Variants in GTF2F2 observed in about 807,000 individuals in gnomAD.
GTF2F2 encodes ATP-dependent helicase GTF2F2.
Under a neutral mutation model 42.2 loss-of-function variants are expected in GTF2F2, and 23 were observed. The observed-to-expected ratio is 0.55, with a 90% CI of 0.39 to 0.77. The LOEUF is 0.77. Ranked by LOEUF, GTF2F2 falls within the 30% of genes least tolerant of loss-of-function variation. The pLI is 0.00. For missense variants in GTF2F2, 261 were observed against 287.2 expected (o/e 0.91, Z 0.66); for synonymous variants, 105 against 100.8 (o/e 1.04, Z -0.25).
chr13:45,173,187 G>T (rs559759889), intron 4 of GTF2F2, among the ~76,000 whole-genome samples: 2 of 152,016 alleles, frequency 1.3e-5, no homozygotes, highest in African/African-American at 2.4e-5. Context: ...TTATTTTGAG[G>T]TAATTGTAGA....
At chr13:45,233,277 T>C (rs1399158330) in intron 5 of GTF2F2, among the ~76,000 whole-genome samples, 2 of 152,142 alleles carry the variant, frequency 1.3e-5, no homozygotes, top group Non-Finnish European at 2.9e-5. Flanking sequence ...CAATTTAAAA[T>C]AAGAATGAAT....
chr13:45,266,180 T>G (rs921703121), intron 6 of GTF2F2, among the ~76,000 whole-genome samples: 1 of 152,250 alleles, frequency 6.6e-6, no homozygotes, highest in African/African-American at 2.4e-5. Context: ...CACATGGTCC[T>G]GAAGTGTCAT....
intron 5 of GTF2F2, among the ~76,000 whole-genome samples, chr13:45,238,030 C>T (rs1344925778): frequency 4.6e-5 from 7 of 152,198 alleles, no homozygotes; most frequent in Middle Eastern, 6.8e-3. Flanking sequence ...CTCAGCTCAC[C>T]GCAACCTCTG....
intron 5 of GTF2F2, among the ~76,000 whole-genome samples, chr13:45,231,609 C>A (rs552757049): frequency 6.6e-6 from 1 of 152,248 alleles, no homozygotes; most frequent in Admixed American, 6.5e-5. Context: ...TCTTTAATAT[C>A]AGTATCAGCA....
chr13:45,221,257 C>CATCT (rs1452671385), intron 5 of GTF2F2, among the ~76,000 whole-genome samples: 1 of 152,134 alleles, frequency 6.6e-6, no homozygotes, highest in African/African-American at 2.4e-5. Context: ...TGACAAGACA[C>CATCT]ATCTAGTCAA....
At chr13:45,264,196 GAGAA>G (rs57681717) in intron 6 of GTF2F2, among the ~76,000 whole-genome samples, 41,147 of 151,788 alleles carry the variant, frequency 0.27, 6,385 homozygotes, top group African/African-American at 0.41. Context: ...TAATTTTAAA[GAGAA>G]AGCACCAACA....
chr13:45,277,460 A>G (rs182080866), intron 7 of GTF2F2, among the ~76,000 whole-genome samples: 4 of 152,320 alleles, frequency 2.6e-5, no homozygotes, highest in Non-Finnish European at 5.9e-5. Flanking sequence ...GATAGTACCC[A>G]GAGGGATGGT....
chr13:45,194,551 T>C (rs751433308), intron 4 of GTF2F2: 1 of 1,610,624 alleles, frequency 6.2e-7, no homozygotes, highest in African/African-American at 1.3e-5. Flanking sequence ...TTCTCTTCTG[T>C]TTATTTTACG....
intron 5 of GTF2F2, among the ~76,000 whole-genome samples, chr13:45,241,839 G>C (rs761389256): frequency 6.6e-6 from 1 of 151,980 alleles, no homozygotes; most frequent in African/African-American, 2.4e-5. Context: ...TTACATGCCT[G>C]TTCTGGGCCC....
chr13:45,131,578 G>A (rs1225555676), intron 1 of GTF2F2, among the ~76,000 whole-genome samples: 2 of 151,956 alleles, frequency 1.3e-5, no homozygotes, highest in Non-Finnish European at 2.9e-5. Flanking sequence ...TAGACAGCTG[G>A]CATAGAGAAC....
At chr13:45,254,139 G>A (rs1456810076) in intron 6 of GTF2F2, among the ~76,000 whole-genome samples, 1 of 151,582 alleles carries the variant, frequency 6.6e-6, no homozygotes, top group Non-Finnish European at 1.5e-5. Context: ...GAGTGAGAGA[G>A]AGAGAGACCA....
intron 2 of GTF2F2, among the ~76,000 whole-genome samples, chr13:45,144,152 T>C (rs961675452): frequency 9.2e-5 from 14 of 151,856 alleles, no homozygotes; most frequent in Non-Finnish European, 1.9e-4. Flanking sequence ...CTCGGGAGGC[T>C]GAGGCAGGAG....
chr13:45,228,163 C>A (rs148883415), intron 5 of GTF2F2, among the ~76,000 whole-genome samples: 1 of 151,572 alleles, frequency 6.6e-6, no homozygotes, highest in African/African-American at 2.4e-5. Context: ...GCTCACACAC[C>A]GTTCTTCCCT....
chr13:45,154,443 C>T (rs1870654366), intron 4 of GTF2F2, among the ~76,000 whole-genome samples: 1 of 152,090 alleles, frequency 6.6e-6, no homozygotes, highest in Non-Finnish European at 1.5e-5. Context: ...ATTATCTTGG[C>T]AGGGATATGG....
intron 4 of GTF2F2, among the ~76,000 whole-genome samples, chr13:45,189,742 A>G (rs1012152208): frequency 6.6e-6 from 1 of 152,082 alleles, no homozygotes; most frequent in African/African-American, 2.4e-5. Flanking sequence ...TTTATTTACA[A>G]TACCATTCAG....
At chr13:45,235,033 G>A (rs868581375) in intron 5 of GTF2F2, among the ~76,000 whole-genome samples, 1 of 111,744 alleles carries the variant, frequency 8.9e-6, no homozygotes. Context: ...CAACAAGAGC[G>A]GGAAACTCAA....
At chr13:45,140,969 A>G (rs984780617) in intron 2 of GTF2F2, among the ~76,000 whole-genome samples, 1 of 152,212 alleles carries the variant, frequency 6.6e-6, no homozygotes, top group Non-Finnish European at 1.5e-5. Flanking sequence ...TCTTGTTTGT[A>G]AAATGTGGAT....
At chr13:45,159,454 G>A (rs1333930449) in intron 4 of GTF2F2, among the ~76,000 whole-genome samples, 7 of 152,154 alleles carry the variant, frequency 4.6e-5, no homozygotes, top group East Asian at 1.9e-4. Context: ...GCAGTGGCGC[G>A]ATCTCGGCTC....
At position 45,228,283 on chromosome 13, in the gene GTF2F2, C is replaced by CTTTTTT. The variant is rs372901327; in HGVS notation, c.386+20789_386+20794dup. Among the ~76,000 whole-genome samples, 26 of 92,724 alleles carry CTTTTTT rather than the reference C, an allele frequency of 2.8e-4. 1 individual carries two copies. Among genetic ancestry groups the CTTTTTT allele is most frequent in the East Asian group, 7.1e-4 (3 of 4,244 alleles). The allele number at this position is 92,724 out of a possible 152,430, so 60.8% of individuals were successfully genotyped here. A position where few individuals can be genotyped will look rare whatever the true frequency, so the allele number is the denominator to read the frequency against. On this transcript the variant is annotated intron_variant, in intron 5 of 7. Transcript: ENST00000340473. ...TTTCCTTATTGCTGCCAGAGTTAAT[C>CTTTTTT]TTTTTTTTTTTTTTTTGGAGACGGA...
Sources: allele counts gnomAD v4.1 joint callset (sites outside exome capture counted in the v4.1 genomes callset), GRCh38; gene constraint gnomAD v4.1.1; transcripts MANE v1.5; gene names NCBI Gene and HGNC (gene_info 2026-07-23, HGNC 2026-07-21).